The following C1QTNF12 variants were observed in gnomAD, a reference collection of about 807,000 sequenced individuals.
C1QTNF12 encodes the protein adipolin.
A neutral mutation model predicts 34.3 loss-of-function variants in C1QTNF12; 39 were observed. The ratio of observed to expected loss-of-function variants is 1.14; its 90% CI spans 0.88 to 1.49. The LOEUF (loss-of-function observed/expected upper bound fraction) is 1.49, where lower values mean the gene tolerates loss of function less well. Among genes scored for constraint, C1QTNF12 ranks in the 40% most tolerant of loss-of-function variants. C1QTNF12 has a pLI of 0.00. For missense variants in C1QTNF12, 497 were observed against 424.7 expected, an observed-to-expected ratio of 1.17 and a Z score of -1.50; for synonymous variants, 220 against 196.9, an observed-to-expected ratio of 1.12 and a Z score of -0.98.
At chr1:1,244,587 C>G (rs1360550519) in intron 1 of C1QTNF12, 90 bp from the exon 2 acceptor site, 6 of 1,023,110 alleles carry the variant, frequency 5.9e-6, no homozygotes, top group Non-Finnish European at 7.6e-6. Context: ...AGGGCAGAAC[C>G]AGGGAAGGCA....
chr1:1,243,333 A>G, intron 5 of C1QTNF12, 111 bp downstream of exon 5: 3 of 1,117,328 alleles, frequency 2.7e-6, no homozygotes, highest in Non-Finnish European at 3.9e-6. Flanking sequence ...CCCATGGGGC[A>G]GGGGATAGGT....
intron 5 of C1QTNF12, 30 bp downstream of exon 5, chr1:1,243,414 C>G (rs1305083915): frequency 3.3e-6 from 5 of 1,535,126 alleles, no homozygotes; most frequent in Non-Finnish European, 4.4e-6. Flanking sequence ...AGCCCCGTCA[C>G]AGCACACGGC....
At chr1:1,243,185 G>A in intron 5 of C1QTNF12, 33 bp from the exon 6 acceptor site, 1 of 1,155,582 alleles carries the variant, frequency 8.7e-7, no homozygotes, top group Non-Finnish European at 1.2e-6. Flanking sequence ...GGTGGTGCAT[G>A]GGGGGCGGGG....
At position 1,243,103 on chromosome 1, in the gene C1QTNF12, C is replaced by T. The variant is rs1333979356; in HGVS notation, c.690G>A (p.Val230=). 3 of 1,589,498 alleles carry T rather than the reference C, an allele frequency of 1.9e-6. No homozygotes were observed. Among genetic ancestry groups the T allele is most frequent in the African/African-American group, 1.3e-5 (1 of 74,376 alleles). Residue 230 remains valine (V), a synonymous_variant, in exon 6 of 8, where the codon GTG becomes GTA. Transcript: ENST00000330388. ...GKARLRARDV[V]CVLICIESLC... is the part of the protein sequence containing the mutation. ...GGGACTCAATACAGATGAGAACACA[C>T]ACCACGTCCCGGGCCCGCAGCCGGG...
chr1:1,246,687 G>A lies in C1QTNF12; in HGVS notation c.4C>T (p.Arg2Trp), dbSNP rs555749885. 3.8e-4 allele frequency: 465 copies of A among 1,223,386 alleles called. 1 individual carries two copies. The African/African-American group carries it at 5.9e-3, about 16-fold the overall frequency. The allele number at this position is 1,223,386 out of a possible 1,614,324, so 75.8% of individuals were successfully genotyped here. The change falls in exon 1 of 8, where the codon CGG (arginine) becomes TGG (tryptophan). Residue 2 changes from arginine to tryptophan, a missense_variant. Arg to Trp is a moderately radical substitution (Grantham distance 101). Coordinates refer to ENST00000330388, the MANE Select transcript of C1QTNF12 (RefSeq NM_001014980.3). This position sits in a 1 kb window ranked among gnomAD's most constrained non-coding sequence, Gnocchi z 4.5. Reference sequence around the variant, plus strand: ...ACGACCGCGGCCCAGGCCCAGCGCCGCATGGCTCCGTCCCGAGGCGGCTCA... The same window carrying A: ...ACGACCGCGGCCCAGGCCCAGCGCCACATGGCTCCGTCCCGAGGCGGCTCA... M[R>W]RWAWAAVVVL...
chr1:1,243,707 G>A (rs577691094), intron 4 of C1QTNF12, among the ~76,000 whole-genome samples, 155 bp from the exon 5 acceptor site: 7 of 151,900 alleles, frequency 4.6e-5, no homozygotes, highest in Non-Finnish European at 7.4e-5. Context: ...ACTGACCCTC[G>A]AGTCCACACC....
rs760551914 is a variant in C1QTNF12, at chr1:1,244,383, G to A, written c.292C>T (p.Pro98Ser). ...GCAGCAGCCCGGGCGGGGCTCACCG[G>A]CTTCTTGTCCCTGCTTCCGCACCGC... is the stretch of plus-strand genomic sequence containing the variant. Reference protein sequence around the residue: ...RKRCGSRDKKPRDLFGPPGPP... With the variant: ...RKRCGSRDKKSRDLFGPPGPP... The change falls in exon 2 of 8, where the codon CCG (proline) becomes TCG (serine). Residue 98 changes from proline to serine, a missense_variant and splice_region_variant. By Grantham distance (74) the Pro-to-Ser change is moderately conservative (BLOSUM62 -1). Transcript: ENST00000330388. 88 of 1,610,938 alleles carry A rather than the reference G, an allele frequency of 5.5e-5. No homozygotes were observed. The South Asian group carries it at 8.9e-4, about 16-fold the overall frequency.
rs368463060 is a variant in C1QTNF12 at position 1,244,397 on chromosome 1, C to T, written c.278G>A (p.Ser93Asn). The change falls in exon 2 of 8, where the codon AGC becomes AAC. Residue 93 changes from serine (S) to asparagine (N), a missense_variant. Physicochemically the swap from Ser to Asn is conservative, Grantham distance 46 (BLOSUM62 1). Transcript: ENST00000330388. Reference sequence around the variant, plus strand: ...GGGGCTCACCGGCTTCTTGTCCCTGCTTCCGCACCGCTTCCTTAAGGCGCC... The same window carrying T: ...GGGGCTCACCGGCTTCTTGTCCCTGTTTCCGCACCGCTTCCTTAAGGCGCC... Reference protein sequence around the residue: ...DDGALRKRCGSRDKKPRDLFG... With the variant: ...DDGALRKRCGNRDKKPRDLFG... 4 of 1,611,650 alleles carry T rather than the reference C, an allele frequency of 2.5e-6. No individual in the cohort carries two copies. Among genetic ancestry groups the T allele is most frequent in the Non-Finnish European group, 2.5e-6 (3 of 1,179,466 alleles).
chr1:1,244,315 C>T, intron 2 of C1QTNF12, 40 bp from the exon 3 acceptor site: 1 of 1,590,344 alleles, frequency 6.3e-7, no homozygotes, highest in Non-Finnish European at 8.6e-7. Context: ...CCAGTGGGAC[C>T]CGGTGGGAGC....
Position 1,244,266 on chromosome 1 carries a change from A to G in C1QTNF12, c.304T>C (p.Phe102Leu). Residue 102 changes from phenylalanine to leucine, a missense_variant, in exon 3 of 8, where the codon TTC becomes CTC. Physicochemically the swap from Phe to Leu is conservative, Grantham distance 22 (BLOSUM62 0). Transcript: ENST00000330388. ...GCACCTGGAGGTCCTGGGGGACCGA[A>G]GAGATCCCGCTGGGGGGAGAGAGAA... ...GSRDKKPRDL[F>L]GPPGPPGAEV... 6.3e-7 allele frequency: 1 copy of G among 1,593,364 alleles called. No individual in the cohort carries two copies. The highest frequency in any genetic ancestry group is 8.6e-7 in the Non-Finnish European group (1 of 1,168,568).
chr1:1,244,769 C>T (rs1638841679), intron 1 of C1QTNF12: 1 of 350,012 alleles, frequency 2.9e-6, no homozygotes, highest in Non-Finnish European at 5.1e-6. Flanking sequence ...ACTCCTCATC[C>T]CACTCCTTCC....
chr1:1,246,722 G>C lies in C1QTNF12; in HGVS notation c.-32C>G. 8.2e-7 allele frequency: 1 copy of C among 1,214,666 alleles called. No homozygotes were observed. Among genetic ancestry groups the C allele is most frequent in the Non-Finnish European group, 1.0e-6 (1 of 976,812 alleles). The allele number at this position is 1,214,666 out of a possible 1,614,324, so 75.2% of individuals were successfully genotyped here. On this transcript the variant is annotated 5_prime_UTR_variant, in exon 1 of 8. Coordinates refer to ENST00000330388, the MANE Select transcript of C1QTNF12 (RefSeq NM_001014980.3). The surrounding 1 kb of genome is among the most constrained non-coding windows in gnomAD (Gnocchi z 4.5). ...GTCCCGAGGCGGCTCAGCGCGGCGA[G>C]TCTCGGCGCCAGGGCGCAGTCATGG...
upstream of C1QTNF12, among the ~76,000 whole-genome samples, chr1:1,247,278 C>T (rs1213475867): frequency 2.6e-5 from 4 of 152,214 alleles, no homozygotes; most frequent in East Asian, 1.9e-4. Context: ...CCCCTTCCCA[C>T]GACCTCCTCA....
At chr1:1,245,481 C>T (rs923437513) in intron 1 of C1QTNF12, among the ~76,000 whole-genome samples, 2 of 151,044 alleles carry the variant, frequency 1.3e-5, no homozygotes, top group African/African-American at 2.4e-5. Context: ...ACACACCTCA[C>T]AGCCCTCCAG....
Position 1,246,252 on chromosome 1 carries a change from C to A in C1QTNF12, c.177+262G>T, listed in dbSNP as rs1458730287. On this transcript the variant is annotated intron_variant, in intron 1 of 7. Coordinates refer to ENST00000330388, the MANE Select transcript of C1QTNF12 (RefSeq NM_001014980.3). This position sits in a 1 kb window ranked among gnomAD's most constrained non-coding sequence, Gnocchi z 4.5. The stretch of plus-strand genomic sequence containing the variant: ...CCACGCTTCAAAGGGTTAACTGCGG[C>A]CCCCAACCGCGGGAAGCCCCCTTCA... Among the ~76,000 whole-genome samples, 2 of 151,700 alleles carry A rather than the reference C, an allele frequency of 1.3e-5. No homozygotes were observed. Among genetic ancestry groups the A allele is most frequent in the Non-Finnish European group, 2.9e-5 (2 of 67,960 alleles).
In C1QTNF12 at chr1:1,243,062, G is replaced by A. The variant is rs149401953; in HGVS notation, c.731C>T (p.Thr244Met). 2.2e-5 allele frequency: 35 copies of A among 1,578,914 alleles called. No homozygotes were observed. Among genetic ancestry groups the A allele is most frequent in the Admixed American group, 1.1e-4 (6 of 55,154 alleles). ...TGGAGCGGGGGCTGAGGTCACTCAC[G>A]TGTGGCGCTGGCACAGGGACTCAAT... ...ICIESLCQRH[T>M]CLEAVSGLES... The change falls in exon 6 of 8, where the codon ACG becomes ATG. Residue 244 changes from threonine to methionine, a missense_variant and splice_region_variant. Transcript: ENST00000330388.
Position 1,243,084 on chromosome 1 carries a change from C to T in C1QTNF12, c.709G>A (p.Glu237Lys). The T allele has an allele frequency of 6.3e-7, 1 of 1,587,596 alleles. No homozygotes were observed. The highest frequency in any genetic ancestry group is 8.6e-7 in the Non-Finnish European group (1 of 1,167,906). The change falls in exon 6 of 8, where the codon GAG (glutamate) becomes AAG (lysine). Residue 237 changes from glutamate (E) to lysine (K), a missense_variant. Physicochemically the swap from Glu to Lys is moderately conservative, Grantham distance 56 (BLOSUM62 1). Transcript: ENST00000330388. ...RDVVCVLICI[E>K]SLCQRHTCLE... ...CACGTGTGGCGCTGGCACAGGGACT[C>T]AATACAGATGAGAACACACACCACG...
At chr1:1,244,624 C>T in intron 1 of C1QTNF12, 127 bp from the exon 2 acceptor site, 1 of 746,852 alleles carries the variant, frequency 1.3e-6, no homozygotes, top group Non-Finnish European at 2.3e-6. Flanking sequence ...GGACCCACGG[C>T]CGCCCTTGGG....
Position 1,243,487 on chromosome 1 carries a change from G to A in C1QTNF12, c.597C>T (p.Ala199=). 1 of 1,560,466 alleles carries A rather than the reference G, an allele frequency of 6.4e-7. No individual in the cohort carries two copies. The highest frequency in any genetic ancestry group is 8.7e-7 in the Non-Finnish European group (1 of 1,152,328). The change falls in exon 5 of 8, where the codon GCC becomes GCT. Residue 199 remains alanine, a synonymous_variant. Coordinates refer to ENST00000330388, the MANE Select transcript of C1QTNF12 (RefSeq NM_001014980.3). ...AGAACTGGAAGATGCCGGACACGGG[G>A]GCCGTGAACCGACCCGAGGCCAGGC... is the stretch of plus-strand genomic sequence containing the variant. ...GLSLASGRFT[A]PVSGIFQFSA...
Sources: allele counts gnomAD v4.1 joint callset (sites outside exome capture counted in the v4.1 genomes callset), GRCh38; gene constraint gnomAD v4.1.1; non-coding constraint Gnocchi (gnomAD v3.1); transcripts MANE v1.5; gene names NCBI Gene and HGNC (gene_info 2026-07-23, HGNC 2026-07-21).